LRRC4B: variants seen among roughly 807,000 people sequenced by gnomAD.
LRRC4B encodes the protein leucine rich repeat containing 4B.
Under a neutral mutation model 7.3 loss-of-function variants are expected in LRRC4B, and 1 was observed. The ratio of observed to expected loss-of-function variants is 0.14; its 90% confidence interval spans 0.05 to 0.65. The LOEUF is 0.65. Among genes scored for constraint, LRRC4B ranks in the 30% least tolerant of loss-of-function variants. The pLI is 0.84. For missense variants in LRRC4B, 730 were observed against 1,041.6 expected, an observed-to-expected ratio of 0.70 and a Z score of 4.12; for synonymous variants, 500 against 499.2, an observed-to-expected ratio of 1.00 and a Z score of -0.02.
rs544155236 is a variant in LRRC4B at position 50,527,706 on chromosome 19, T to TTCCCTCCC, written c.298-8299_298-8292dup. On this transcript the variant is annotated intron_variant, in intron 2 of 2. Transcript: ENST00000652263. The stretch of plus-strand genomic sequence containing the variant: ...TTCTTTCTCCTTTCTCTCTGTCTCT[T>TTCCCTCCC]TCCCTCCCTCCCTCCCTCCCTCTTT... Among the ~76,000 whole-genome samples the TTCCCTCCC allele has an allele frequency of 7.6e-3, 1,142 of 149,678 alleles. 17 individuals are homozygous for TTCCCTCCC. Among genetic ancestry groups the TTCCCTCCC allele is most frequent in the African/African-American group, 0.027 (1,059 of 39,756 alleles).
In LRRC4B at chr19:50,518,408, C is replaced by T. The variant is rs767815080; in HGVS notation, c.1305G>A (p.Thr435=). ...NVTVQDTGQY[T]CMVTNSAGNT... ...TGCCGGCTGAGTTCGTCACCATGCA[C>T]GTGTACTGGCCCGTGTCCTGCACGG... Residue 435 remains threonine, a synonymous_variant, in exon 3 of 3, where the codon ACG becomes ACA. Coordinates refer to ENST00000652263, the MANE Select transcript of LRRC4B (RefSeq NM_001080457.2). The T allele has an allele frequency of 1.9e-5, 30 of 1,575,616 alleles. No individual in the cohort carries two copies. Among genetic ancestry groups the T allele is most frequent in the Non-Finnish European group, 2.6e-5 (30 of 1,163,622 alleles).
At chr19:50,536,087 A>G (rs1981269437) in intron 2 of LRRC4B, among the ~76,000 whole-genome samples, 2 of 150,318 alleles carry the variant, frequency 1.3e-5, no homozygotes. Context: ...TGTTCAGCTC[A>G]GCAGCCCCCC....
rs955114047 is a variant in LRRC4B, at chr19:50,556,579, G to A, written c.-35-7706C>T. On this transcript the variant is annotated intron_variant, in intron 1 of 2. Transcript: ENST00000652263. This position sits in a 1 kb window ranked among gnomAD's most constrained non-coding sequence, Gnocchi z 4.2. ...TCCTTTTCTTCACAGCTCGTGTCAC[G>A]GCCACCCAGCACCTGATGCTCGGTG... Among the ~76,000 whole-genome samples, 16 of 152,088 alleles carry A rather than the reference G, an allele frequency of 1.1e-4. No individual in the cohort carries two copies. Among genetic ancestry groups the A allele is most frequent in the Non-Finnish European group, 1.9e-4 (13 of 68,012 alleles).
chr19:50,523,292 T>A (rs1980660627), intron 2 of LRRC4B, among the ~76,000 whole-genome samples: 1 of 152,162 alleles, frequency 6.6e-6, no homozygotes. Flanking sequence ...TGTTACAGTA[T>A]TAACGGAGGA....
chr19:50,554,909 G>A (rs910618308), intron 1 of LRRC4B, among the ~76,000 whole-genome samples: 1 of 152,208 alleles, frequency 6.6e-6, no homozygotes, highest in African/African-American at 2.4e-5. Context: ...AGTGTGGCCT[G>A]ACAGCAGCAA....
intron 1 of LRRC4B, among the ~76,000 whole-genome samples, chr19:50,567,695 C>T (rs886428194): frequency 6.8e-6 from 1 of 147,176 alleles, no homozygotes; most frequent in Non-Finnish European, 1.5e-5. Context: ...ACAACCTGTC[C>T]CCAGGCAGCG....
intron 2 of LRRC4B, among the ~76,000 whole-genome samples, chr19:50,520,844 A>AG (rs1471957643): frequency 6.6e-6 from 1 of 152,158 alleles, no homozygotes; most frequent in Admixed American, 6.6e-5. Flanking sequence ...TTGAAAAAAA[A>AG]GTTAAAACTG....
In LRRC4B at chr19:50,568,399, G is replaced by C. The variant is rs1254241375; in HGVS notation, c.-491C>G. 1.5e-5 allele frequency among the ~76,000 whole-genome samples: 2 copies of C among 137,204 alleles called. No individual in the cohort carries two copies. Among genetic ancestry groups the C allele is most frequent in the Non-Finnish European group, 3.1e-5 (2 of 63,608 alleles). The allele number at this position is 137,204 out of a possible 152,430, so 90.0% of individuals were successfully genotyped here. A position where few individuals can be genotyped will look rare whatever the true frequency, so the allele number is the denominator to read the frequency against. The stretch of plus-strand genomic sequence containing the variant: ...CCTCGGACGGTGCGGCAGCGACCGA[G>C]AGCAGCCGAGAGCGGCGGAGACGGG... On this transcript the variant is annotated 5_prime_UTR_variant, in exon 1 of 3. Transcript: ENST00000652263.
chr19:50,520,361 G>C (rs1980524250), intron 2 of LRRC4B, among the ~76,000 whole-genome samples: 1 of 151,980 alleles, frequency 6.6e-6, no homozygotes, highest in Non-Finnish European at 1.5e-5. Flanking sequence ...CAGGCATGGT[G>C]GCTAATGCCT....
At chr19:50,529,072 C>A (rs1194098781) in intron 2 of LRRC4B, among the ~76,000 whole-genome samples, 4 of 152,140 alleles carry the variant, frequency 2.6e-5, no homozygotes, top group African/African-American at 4.8e-5. Context: ...GGGACCCCCC[C>A]AGAGCTTGCA....
chr19:50,557,667 C>T (rs1982323312), intron 1 of LRRC4B: 1 of 145,084 alleles, frequency 6.9e-6, no homozygotes, highest in African/African-American at 2.6e-5. Context: ...TGGGAATTAA[C>T]AGCAGGTTTC....
intron 2 of LRRC4B, among the ~76,000 whole-genome samples, chr19:50,546,792 C>T (rs1392945977): frequency 2.6e-5 from 4 of 152,198 alleles, no homozygotes; most frequent in Admixed American, 6.5e-5. Context: ...GATGTTGCCA[C>T]GGCCTGGGGC....
At position 50,535,079 on chromosome 19, in the gene LRRC4B, A is replaced by G. The variant is rs568426445; in HGVS notation, c.297+13463T>C. On this transcript the variant is annotated intron_variant, in intron 2 of 2. Transcript: ENST00000652263. ...GAGACAGGGTTTCACTGTGTTAGCCAGGATGGTCTCGATCTCCTGACCTCA... is the reference window on the plus strand; with the variant it reads ...GAGACAGGGTTTCACTGTGTTAGCCGGGATGGTCTCGATCTCCTGACCTCA... Among the ~76,000 whole-genome samples, 3 of 152,204 alleles carry G rather than the reference A, an allele frequency of 2.0e-5. No individual in the cohort carries two copies. The East Asian group carries it at 5.8e-4, about 29-fold the overall frequency.
At chr19:50,543,852 C>CAAA (rs36044151) in intron 2 of LRRC4B, among the ~76,000 whole-genome samples, 27 of 83,272 alleles carry the variant, frequency 3.2e-4, no homozygotes, top group African/African-American at 8.0e-4. Context: ...GCCTCCATCT[C>CAAA]AAAAAAAAAA....
chr19:50,539,533 T>C (rs976954219), intron 2 of LRRC4B, among the ~76,000 whole-genome samples: 16 of 152,214 alleles, frequency 1.1e-4, no homozygotes, highest in Non-Finnish European at 2.2e-4. Context: ...GCCTTTTTTT[T>C]TTCTTTCCAG....
chr19:50,546,206 G>T (rs1450571746), intron 2 of LRRC4B, among the ~76,000 whole-genome samples: 2 of 152,008 alleles, frequency 1.3e-5, no homozygotes, highest in African/African-American at 2.4e-5. Context: ...GTGGCAGCAG[G>T]CGCCTGTAAT....
intron 2 of LRRC4B, among the ~76,000 whole-genome samples, chr19:50,528,637 G>A (rs1165874855): frequency 3.9e-5 from 6 of 152,162 alleles, no homozygotes; most frequent in Admixed American, 3.3e-4. Context: ...GAGCCACTGC[G>A]CCCGGCCGAT....
Position 50,517,743 on chromosome 19 carries a change from C to A in LRRC4B, c.1970G>T (p.Arg657Leu). 1 of 1,532,762 alleles carries A rather than the reference C, an allele frequency of 6.5e-7. No individual in the cohort carries two copies. 94.9% of individuals were successfully genotyped at this position (1,532,762 alleles called of 1,614,324 possible). A position where few individuals can be genotyped will look rare whatever the true frequency, so the allele number is the denominator to read the frequency against. ...GTAGTGGTGGTGGTTGAGGTGGTCT[C>A]GCTCCAGGGCGGGCAGGGCCAGGTG... ...DSHLALPALE[R>L]DHLNHHHYVA... is the part of the protein sequence containing the mutation. Residue 657 changes from arginine to leucine, a missense_variant, in exon 3 of 3, where the codon CGA (arginine) becomes CTA (leucine). Around this residue, in one of 6 missense-constraint regions of LRRC4B, gnomAD observed 160 missense variants for 163.9 expected, o/e 0.98. Coordinates refer to ENST00000652263, the MANE Select transcript of LRRC4B (RefSeq NM_001080457.2). This position sits in a 1 kb window ranked among gnomAD's most constrained non-coding sequence, Gnocchi z 6.6.
At chr19:50,565,152 C>T (rs545340311) in intron 1 of LRRC4B, among the ~76,000 whole-genome samples, 3 of 152,314 alleles carry the variant, frequency 2.0e-5, no homozygotes, top group East Asian at 1.9e-4. Flanking sequence ...AGTGCACACA[C>T]GTGCCTCCGA....
Sources: allele counts gnomAD v4.1 joint callset (sites outside exome capture counted in the v4.1 genomes callset), GRCh38; gene constraint gnomAD v4.1.1; regional missense constraint gnomAD v4.1.1; non-coding constraint Gnocchi (gnomAD v3.1); transcripts MANE v1.5; gene names NCBI Gene and HGNC (gene_info 2026-07-23, HGNC 2026-07-21).